HYDIN: variants seen among roughly 807,000 people sequenced by gnomAD.
The protein encoded by HYDIN is axonemal central pair apparatus protein HYDIN.
HYDIN carries 132 observed loss-of-function variants against 403.9 expected under a neutral mutation model. The ratio of observed to expected loss-of-function variants is 0.33; its 90% CI spans 0.28 to 0.38. The LOEUF is 0.38. HYDIN is among the 10% of genes least tolerant of loss of function. HYDIN has a pLI of 1.00. For missense variants in HYDIN, 2,827 were observed against 5,009.5 expected, an observed-to-expected ratio of 0.56 and a Z score of 13.15; for synonymous variants, 1,202 against 1,891.7, an observed-to-expected ratio of 0.64 and a Z score of 9.46.
chr16:70,888,187 C>G (rs1444032185), intron 58 of HYDIN, among the ~76,000 whole-genome samples: 1 of 152,240 alleles, frequency 6.6e-6, no homozygotes, highest in Non-Finnish European at 1.5e-5. Context: ...ATTCTAACAC[C>G]TCTCTCATCT....
chr16:71,069,636 C>T, intron 13 of HYDIN, 134 bp from the exon 14 acceptor site: 3 of 637,328 alleles, frequency 4.7e-6, no homozygotes, highest in Non-Finnish European at 8.0e-6. Flanking sequence ...TCCAACTTGC[C>T]CTAAATATTA....
intron 1 of HYDIN, among the ~76,000 whole-genome samples, chr16:71,200,807 C>T (rs1233791226): frequency 2.0e-5 from 3 of 152,156 alleles, no homozygotes; most frequent in Non-Finnish European, 2.9e-5. Flanking sequence ...TGGATCTAGA[C>T]TGGGAAACTC....
chr16:70,939,198 G>A (rs1248112661), intron 43 of HYDIN, among the ~76,000 whole-genome samples: 1 of 152,176 alleles, frequency 6.6e-6, no homozygotes, highest in African/African-American at 2.4e-5. Flanking sequence ...GCCAAGGAGT[G>A]CAGAAGGCCT....
chr16:70,891,238 G>C (rs2041449179), intron 57 of HYDIN, among the ~76,000 whole-genome samples: 1 of 151,978 alleles, frequency 6.6e-6, no homozygotes, highest in South Asian at 2.1e-4. Context: ...GCCCAGACTG[G>C]AGTGCAGTGG....
chr16:71,230,459 G>A (rs993717349), intron 1 of HYDIN, 103 bp downstream of exon 1: 2 of 1,352,586 alleles, frequency 1.5e-6, no homozygotes, highest in African/African-American at 2.9e-5. Flanking sequence ...TCTGGAGAAC[G>A]CCTGGGACGC....
chr16:70,849,656 G>A, intron 75 of HYDIN, 70 bp downstream of exon 75: 1 of 1,122,838 alleles, frequency 8.9e-7, no homozygotes. Context: ...AGAACACACA[G>A]GAGAATTAAC....
At chr16:70,941,437 T>C (rs899649311) in intron 43 of HYDIN, 199 bp downstream of exon 43, 5 of 397,760 alleles carry the variant, frequency 1.3e-5, no homozygotes, top group African/African-American at 1.0e-4. Context: ...TACAGTGTGA[T>C]GGGAGGGAAG....
At chr16:71,092,710 A>G (rs2144377789) in intron 11 of HYDIN, among the ~76,000 whole-genome samples, 1 of 133,964 alleles carries the variant, frequency 7.5e-6, no homozygotes, top group Non-Finnish European at 1.5e-5. Context: ...TCTTCCAAGT[A>G]GTTGGGATTA....
intron 2 of HYDIN, among the ~76,000 whole-genome samples, chr16:71,185,799 C>G (rs2087121111): frequency 6.6e-6 from 1 of 152,156 alleles, no homozygotes; most frequent in African/African-American, 2.4e-5. Context: ...ACACAATGCT[C>G]AAGTATATGC....
At position 71,031,530 on chromosome 16, in the gene HYDIN, A is replaced by G; in HGVS notation, c.2768+149T>C. The stretch of plus-strand genomic sequence containing the variant: ...ATGTCTTCTTGTTGCTGACATACAC[A>G]TCAGGAGGTGGAAGAGTGAGGATGG... On this transcript the variant is annotated intron_variant, in intron 19 of 85. Coordinates refer to ENST00000393567, the MANE Select transcript of HYDIN (RefSeq NM_001270974.2). 2.2e-6 allele frequency: 3 copies of G among 1,337,778 alleles called. No individual in the cohort carries two copies. The South Asian group carries it at 5.0e-5, about 22-fold the overall frequency. The allele number at this position is 1,337,778 out of a possible 1,614,324, so 82.9% of individuals were successfully genotyped here.
intron 42 of HYDIN, among the ~76,000 whole-genome samples, chr16:70,942,119 G>A (rs138931962): frequency 6.7e-6 from 1 of 148,746 alleles, no homozygotes; most frequent in South Asian, 2.2e-4. Flanking sequence ...CTGTCTCCCG[G>A]GTTCAGGTGA....
chr16:71,135,925 G>T (rs569367359), intron 8 of HYDIN, among the ~76,000 whole-genome samples: 14 of 150,844 alleles, frequency 9.3e-5, no homozygotes, highest in Admixed American at 2.6e-4. Flanking sequence ...CTGCACACTG[G>T]GGGGGTTCTT....
chr16:71,139,284 G>T (rs10775321), intron 7 of HYDIN, among the ~76,000 whole-genome samples: 1 of 152,056 alleles, frequency 6.6e-6, no homozygotes, highest in South Asian at 2.1e-4. Context: ...TTTGGGGGGG[G>T]AAAGGTACTT....
At chr16:70,885,766 A>G (rs1211508617) in intron 58 of HYDIN, among the ~76,000 whole-genome samples, 2 of 152,188 alleles carry the variant, frequency 1.3e-5, no homozygotes, top group African/African-American at 4.8e-5. Context: ...AGAAGAGATG[A>G]GAGTTATAGA....
At chr16:71,208,519 C>A (rs2088415444) in intron 1 of HYDIN, among the ~76,000 whole-genome samples, 1 of 151,996 alleles carries the variant, frequency 6.6e-6, no homozygotes, top group Admixed American at 6.6e-5. Flanking sequence ...AGCAAACCAA[C>A]CCCAAAGCTA....
intron 25 of HYDIN, among the ~76,000 whole-genome samples, chr16:70,990,989 G>A (rs963620835): frequency 6.6e-6 from 1 of 152,154 alleles, no homozygotes; most frequent in Non-Finnish European, 1.5e-5. Flanking sequence ...GCACATCTTT[G>A]TATCTCCAAT....
At chr16:71,004,693 G>T (rs555313259) in intron 23 of HYDIN, among the ~76,000 whole-genome samples, 5 of 152,076 alleles carry the variant, frequency 3.3e-5, no homozygotes, top group African/African-American at 1.2e-4. Flanking sequence ...TTATGTCTGT[G>T]ACCTGGTTTA....
At chr16:71,206,758 T>C (rs1205878764) in intron 1 of HYDIN, among the ~76,000 whole-genome samples, 3 of 152,078 alleles carry the variant, frequency 2.0e-5, no homozygotes. Flanking sequence ...GAAAAACACA[T>C]TACAACAATT....
chr16:71,020,434 G>T (rs1374141813), intron 21 of HYDIN, 117 bp from the exon 22 acceptor site: 1 of 1,299,454 alleles, frequency 7.7e-7, no homozygotes, highest in Non-Finnish European at 1.0e-6. Flanking sequence ...TTTTCTTTGT[G>T]TGTGTGTGTG....
Sources: gnomAD v4.1 joint callset for allele counts (sites outside exome capture counted in the v4.1 genomes callset) on GRCh38, gnomAD v4.1.1 for gene constraint, MANE v1.5 for transcripts, NCBI Gene and HGNC (gene_info 2026-07-23, HGNC 2026-07-21) for gene names.